Variants in MAML2 observed in about 807,000 individuals in gnomAD.
The protein encoded by MAML2 is mastermind-like protein 2.
In MAML2, 22 loss-of-function variants were observed where a neutral mutation model predicts 96.1. The observed-to-expected ratio is 0.23, with a 90% confidence interval of 0.16 to 0.33. The LOEUF is 0.33. MAML2 is among the 10% of genes least tolerant of loss of function. The probability of loss-of-function intolerance (pLI) is 1.00; values close to 1 mark genes in which losing one functional copy is unlikely to be tolerated. For synonymous variants in MAML2, 561 were observed against 521.3 expected (o/e 1.08, Z -1.04); for missense variants, 1,367 against 1,392.4 (o/e 0.98, Z 0.29).
chr11:96,189,075 T>C (rs1861615011), intron 1 of MAML2, among the ~76,000 whole-genome samples: 1 of 152,014 alleles, frequency 6.6e-6, no homozygotes. Flanking sequence ...TTTTGTTTTT[T>C]TTTTTCTATA....
chr11:96,210,914 ATTCCTTTGTCTC>A (rs1861962119), intron 1 of MAML2, among the ~76,000 whole-genome samples: 1 of 152,166 alleles, frequency 6.6e-6, no homozygotes, highest in Non-Finnish European at 1.5e-5. Context: ...AAAATTTGAA[ATTCCTTTGTCTC>A]TTCCTTTTCT....
intron 1 of MAML2, among the ~76,000 whole-genome samples, chr11:96,118,312 C>T (rs549705254): frequency 1.5e-4 from 22 of 150,008 alleles, no homozygotes; most frequent in East Asian, 3.9e-4. Flanking sequence ...ATTGTAATCC[C>T]CATGGTGATT....
At chr11:96,265,531 G>A (rs12575683) in intron 1 of MAML2, among the ~76,000 whole-genome samples, 17,903 of 152,114 alleles carry the variant, frequency 0.12, 1,244 homozygotes, top group Admixed American at 0.23. Context: ...CCACCCCCAC[G>A]GACCTAGGTG....
chr11:96,289,001 C>T lies in MAML2; in HGVS notation c.513+52382G>A, dbSNP rs936049722. Among the ~76,000 whole-genome samples the T allele has an allele frequency of 3.3e-5, 5 of 152,240 alleles. No homozygotes were observed. The South Asian group carries it at 6.2e-4, about 19-fold the overall frequency. On this transcript the variant is annotated intron_variant, in intron 1 of 4. Transcript: ENST00000524717. The stretch of plus-strand genomic sequence containing the variant: ...CGCAGTGTACTTAGAGACAGAAAAC[C>T]GTCATGGGGAAAGGGGAAAGGTGAC...
chr11:96,035,833 A>G (rs1858702775), intron 2 of MAML2, among the ~76,000 whole-genome samples: 1 of 152,216 alleles, frequency 6.6e-6, no homozygotes, highest in Admixed American at 6.5e-5. Context: ...AAACAAATTC[A>G]AAATCAAAAG....
chr11:96,256,861 CAGAA>C (rs1452760015), intron 1 of MAML2, among the ~76,000 whole-genome samples: 1 of 152,072 alleles, frequency 6.6e-6, no homozygotes, highest in Non-Finnish European at 1.5e-5. Flanking sequence ...AATATCTCAA[CAGAA>C]AGAAAGGAAA....
intron 1 of MAML2, among the ~76,000 whole-genome samples, chr11:96,319,981 C>T (rs1863679851): frequency 6.6e-6 from 1 of 152,176 alleles, no homozygotes; most frequent in South Asian, 2.1e-4. Context: ...ACAGTGGCAT[C>T]TCATTCAAAA....
At chr11:96,199,680 T>C (rs890544006) in intron 1 of MAML2, among the ~76,000 whole-genome samples, 1 of 152,198 alleles carries the variant, frequency 6.6e-6, no homozygotes, top group South Asian at 2.1e-4. Flanking sequence ...ACGCCCCTCC[T>C]ATTTTAGGTT....
chr11:96,170,404 T>C (rs1280691863), intron 1 of MAML2, among the ~76,000 whole-genome samples: 3 of 152,232 alleles, frequency 2.0e-5, no homozygotes, highest in Non-Finnish European at 4.4e-5. Context: ...ATTTTTATCA[T>C]ACCAGCGAAA....
At chr11:96,167,118 T>C (rs1861206281) in intron 1 of MAML2, among the ~76,000 whole-genome samples, 1 of 152,206 alleles carries the variant, frequency 6.6e-6, no homozygotes, top group Non-Finnish European at 1.5e-5. Flanking sequence ...GCTCTTTAAC[T>C]CTCTCCACCT....
intron 1 of MAML2, among the ~76,000 whole-genome samples, chr11:96,278,865 A>G (rs990526326): frequency 1.3e-5 from 2 of 152,220 alleles, no homozygotes; most frequent in African/African-American, 4.8e-5. Flanking sequence ...GCCTAGAGGT[A>G]GGATAACTGC....
At position 96,092,205 on chromosome 11, in the gene MAML2, TGCTGTTGCTGCTGC is replaced by T. The variant is rs1485844330; in HGVS notation, c.1812_1825del (p.Gln605AlafsTer121). The T allele has an allele frequency of 2.7e-6, 4 of 1,482,182 alleles. No homozygotes were observed. Among genetic ancestry groups the T allele is most frequent in the East Asian group, 5.3e-5 (2 of 38,004 alleles). The allele number at this position is 1,482,182 out of a possible 1,614,324, so 91.8% of individuals were successfully genotyped here. On this transcript the variant is annotated frameshift_variant, in exon 2 of 5. Coordinates refer to ENST00000524717, the MANE Select transcript of MAML2 (RefSeq NM_032427.4). LOFTEE classifies it high-confidence loss of function. The surrounding 1 kb of genome is among the most constrained non-coding windows in gnomAD (Gnocchi z 4.1). ...TTGCTGTTGCTGTTGCTGCTGCTGC[TGCTGTTGCTGCTGC>T]TGCTGCTGCTGCTGCTGCTGCTGCT...
At chr11:96,028,828 C>T (rs1467374099) in intron 2 of MAML2, among the ~76,000 whole-genome samples, 1 of 152,096 alleles carries the variant, frequency 6.6e-6, no homozygotes, top group Non-Finnish European at 1.5e-5. Flanking sequence ...GTATTTACTT[C>T]CTGAAACACA....
At chr11:96,146,956 G>A (rs983011230) in intron 1 of MAML2, among the ~76,000 whole-genome samples, 2 of 152,220 alleles carry the variant, frequency 1.3e-5, no homozygotes, top group Non-Finnish European at 2.9e-5. Flanking sequence ...GAAAGGCCAT[G>A]TGATCTCCTG....
chr11:96,054,989 T>G (rs1035185529), intron 2 of MAML2, among the ~76,000 whole-genome samples: 4 of 152,198 alleles, frequency 2.6e-5, no homozygotes. Context: ...AGATCTACTG[T>G]TCCATATGTT....
chr11:96,160,466 C>A (rs1056424102), intron 1 of MAML2, among the ~76,000 whole-genome samples: 1 of 149,732 alleles, frequency 6.7e-6, no homozygotes, highest in Non-Finnish European at 1.5e-5. Context: ...CTTACTCTGT[C>A]ACCCAGGCTG....
At chr11:96,308,885 G>A (rs912759627) in intron 1 of MAML2, among the ~76,000 whole-genome samples, 2 of 152,202 alleles carry the variant, frequency 1.3e-5, no homozygotes, top group South Asian at 2.1e-4. Context: ...ATGAATGAAT[G>A]CTTCATTTAT....
chr11:96,209,490 G>A (rs111919769), intron 1 of MAML2, among the ~76,000 whole-genome samples: 8,098 of 151,916 alleles, frequency 0.053, 678 homozygotes, highest in African/African-American at 0.19. Context: ...CAGAAGAATC[G>A]CTTGAACCTG....
At chr11:96,015,738 C>G (rs1026748365) in intron 2 of MAML2, among the ~76,000 whole-genome samples, 2 of 152,090 alleles carry the variant, frequency 1.3e-5, no homozygotes, top group Non-Finnish European at 2.9e-5. Flanking sequence ...AGAATATGAA[C>G]TTTGTACTTA....
Sources: gnomAD v4.1 joint callset for allele counts (sites outside exome capture counted in the v4.1 genomes callset) on GRCh38, gnomAD v4.1.1 for gene constraint, Gnocchi (gnomAD v3.1) non-coding constraint, MANE v1.5 for transcripts, NCBI Gene and HGNC (gene_info 2026-07-23, HGNC 2026-07-21) for gene names.